The following EYS variants were observed in gnomAD, a reference collection of about 807,000 sequenced individuals.
EYS encodes EGF-like photoreceptor maintenance factor.
A neutral mutation model predicts 282.1 loss-of-function variants in EYS; 250 were observed. The observed-to-expected ratio is 0.89, with a 90% CI of 0.80 to 0.98. The LOEUF (loss-of-function observed/expected upper bound fraction) is 0.98, where lower values mean the gene tolerates loss of function less well. EYS is among the 50% of genes least tolerant of loss of function. The pLI, the probability that EYS is intolerant of heterozygous loss-of-function variation, is 0.00. For missense variants in EYS, 4,016 were observed against 3,709.0 expected, an observed-to-expected ratio of 1.08 and a Z score of -2.15; for synonymous variants, 1,355 against 1,282.9, an observed-to-expected ratio of 1.06 and a Z score of -1.20.
At chr6:64,110,868 C>G (rs1040367284) in intron 31 of EYS, among the ~76,000 whole-genome samples, 8 of 151,892 alleles carry the variant, frequency 5.3e-5, no homozygotes, top group African/African-American at 1.7e-4. Context: ...AGAAAGAACC[C>G]TCAGTTGTGT....
chr6:64,180,490 T>TC (rs1422973812), intron 31 of EYS, among the ~76,000 whole-genome samples: 1 of 152,134 alleles, frequency 6.6e-6, no homozygotes, highest in African/African-American at 2.4e-5. Flanking sequence ...AAACTGCATA[T>TC]CACTGAGGTT....
At chr6:64,894,955 G>C (rs571247111) in intron 18 of EYS, among the ~76,000 whole-genome samples, 2 of 152,212 alleles carry the variant, frequency 1.3e-5, no homozygotes, top group East Asian at 3.9e-4. Context: ...ATTGGGGTAA[G>C]AGCTATTATG....
At chr6:64,341,178 T>C (rs1561939734) in intron 29 of EYS, among the ~76,000 whole-genome samples, 1 of 151,722 alleles carries the variant, frequency 6.6e-6, no homozygotes, top group African/African-American at 2.4e-5. Flanking sequence ...AGAGCTACCA[T>C]TCAACCCAGC....
At chr6:64,045,438 T>TTTTA (rs1242357587) in intron 33 of EYS, among the ~76,000 whole-genome samples, 2 of 134,342 alleles carry the variant, frequency 1.5e-5, no homozygotes. Context: ...TTTTATTTTA[T>TTTTA]TTATTTTATT....
At chr6:65,442,492 T>C (rs1173089011) in intron 5 of EYS, among the ~76,000 whole-genome samples, 2 of 151,996 alleles carry the variant, frequency 1.3e-5, no homozygotes, top group Non-Finnish European at 2.9e-5. Context: ...CAGTGGTTCA[T>C]GCCTGTAATC....
intron 15 of EYS, among the ~76,000 whole-genome samples, chr6:64,944,657 G>A (rs1769212924): frequency 6.6e-6 from 1 of 152,072 alleles, no homozygotes; most frequent in African/African-American, 2.4e-5. Flanking sequence ...TCTGTGCTGA[G>A]GAGGATTAGT....
intron 12 of EYS, among the ~76,000 whole-genome samples, chr6:65,166,666 G>A (rs1455597244): frequency 6.6e-6 from 1 of 151,016 alleles, no homozygotes; most frequent in Non-Finnish European, 1.5e-5. Flanking sequence ...TTAAGCAATA[G>A]TTTTTTACAT....
chr6:63,855,520 G>T (rs542169658), intron 36 of EYS, among the ~76,000 whole-genome samples: 8 of 152,048 alleles, frequency 5.3e-5, no homozygotes, highest in Non-Finnish European at 1.2e-4. Flanking sequence ...GTAGGCTCAG[G>T]GCAACAGCAT....
intron 12 of EYS, among the ~76,000 whole-genome samples, chr6:65,280,196 T>C (rs1768177384): frequency 6.6e-6 from 1 of 152,186 alleles, no homozygotes; most frequent in African/African-American, 2.4e-5. Context: ...TCCAGTTTGT[T>C]AGCCACTCTT....
intron 19 of EYS, among the ~76,000 whole-genome samples, chr6:64,839,443 C>T (rs1318014794): frequency 1.3e-5 from 2 of 151,890 alleles, no homozygotes; most frequent in Non-Finnish European, 2.9e-5. Flanking sequence ...CTTTATAGTA[C>T]AAATTTACAG....
intron 28 of EYS, among the ~76,000 whole-genome samples, chr6:64,423,584 C>A (rs114388995): frequency 4.6e-5 from 7 of 152,096 alleles, no homozygotes; most frequent in African/African-American, 1.7e-4. Context: ...CCAAAGCAGG[C>A]GGATCACAAG....
chr6:64,698,508 TCTA>T (rs1173037091), intron 22 of EYS, among the ~76,000 whole-genome samples: 1 of 152,046 alleles, frequency 6.6e-6, no homozygotes, highest in East Asian at 1.9e-4. Flanking sequence ...TTTAAGGGCT[TCTA>T]CACAGCAGCA....
chr6:64,443,749 T>C (rs934115534), intron 26 of EYS, among the ~76,000 whole-genome samples: 1 of 152,208 alleles, frequency 6.6e-6, no homozygotes, highest in African/African-American at 2.4e-5. Context: ...CCTGCTGCCA[T>C]CTATGTAATA....
intron 2 of EYS, among the ~76,000 whole-genome samples, chr6:65,577,154 C>T (rs1296650701): frequency 2.6e-5 from 4 of 151,812 alleles, no homozygotes; most frequent in African/African-American, 4.8e-5. Context: ...ATATATCACA[C>T]TACCTGATTT....
chr6:65,513,247 T>C (rs1045990672), intron 2 of EYS, among the ~76,000 whole-genome samples: 3 of 152,074 alleles, frequency 2.0e-5, no homozygotes, highest in East Asian at 1.9e-4. Context: ...CAGGAAGAAG[T>C]TGAATCTCTG....
Position 65,236,058 on chromosome 6 carries a change from A to C in EYS, c.2023+59805T>G, listed in dbSNP as rs141041860. On this transcript the variant is annotated intron_variant, in intron 12 of 42. Transcript: ENST00000503581. Reference sequence around the variant, plus strand: ...TGCACCTCTTATGTAATAAAGTAAAATATTTATAGTAATTTGTAATAAATA... The same window carrying C: ...TGCACCTCTTATGTAATAAAGTAAACTATTTATAGTAATTTGTAATAAATA... Among the ~76,000 whole-genome samples, 564 of 152,110 alleles carry C rather than the reference A, an allele frequency of 3.7e-3. 3 individuals carry two copies. Among genetic ancestry groups the C allele is most frequent in the African/African-American group, 0.013 (524 of 41,474 alleles).
chr6:65,054,250 T>C (rs998987052), intron 13 of EYS, among the ~76,000 whole-genome samples: 3 of 151,980 alleles, frequency 2.0e-5, no homozygotes, highest in Non-Finnish European at 4.4e-5. Flanking sequence ...TAACAACTCA[T>C]AAATTAATTT....
chr6:64,466,017 C>CA (rs60201380), intron 26 of EYS, among the ~76,000 whole-genome samples: 35,501 of 151,736 alleles, frequency 0.23, 4,989 homozygotes, highest in East Asian at 0.35. Context: ...GAGCACTAAT[C>CA]AGTAGAAAAA....
At chr6:65,703,462 G>A (rs186134915) in intron 1 of EYS, among the ~76,000 whole-genome samples, 1 of 151,818 alleles carries the variant, frequency 6.6e-6, no homozygotes, top group Admixed American at 6.6e-5. Context: ...CCACTTTAAT[G>A]GTTGCATATT....
Sources: allele counts gnomAD v4.1 joint callset (sites outside exome capture counted in the v4.1 genomes callset), GRCh38; gene constraint gnomAD v4.1.1; transcripts MANE v1.5; gene names NCBI Gene and HGNC (gene_info 2026-07-23, HGNC 2026-07-21).